The following GDPD5 variants were observed in gnomAD, a reference collection of about 807,000 sequenced individuals.
GDPD5 encodes the protein glycerophosphodiester phosphodiesterase 2.
In GDPD5, 48 loss-of-function variants were observed where a neutral mutation model predicts 75.1. The observed-to-expected ratio is 0.64, with a 90% CI of 0.51 to 0.81. The LOEUF is 0.81. Among genes scored for constraint, GDPD5 ranks in the 40% least tolerant of loss-of-function variants. The pLI, the probability that GDPD5 is intolerant of heterozygous loss-of-function variation, is 0.00. For synonymous variants in GDPD5, 336 were observed against 339.0 expected (o/e 0.99, Z 0.10); for missense variants, 706 against 822.6 (o/e 0.86, Z 1.73).
chr11:75,460,056 C>A (rs1462816811), intron 4 of GDPD5, among the ~76,000 whole-genome samples: 2 of 151,606 alleles, frequency 1.3e-5, no homozygotes, highest in African/African-American at 4.9e-5. Context: ...TGGCAGATCA[C>A]TGAATGCACT....
chr11:75,506,303 C>A (rs1189009081), intron 1 of GDPD5, among the ~76,000 whole-genome samples: 2 of 152,130 alleles, frequency 1.3e-5, no homozygotes, highest in Non-Finnish European at 2.9e-5. Context: ...CCAGCCAGCC[C>A]CAGGGAGGAA....
intron 3 of GDPD5, among the ~76,000 whole-genome samples, chr11:75,464,651 G>A (rs1436691028): frequency 6.6e-6 from 1 of 152,180 alleles, no homozygotes; most frequent in African/African-American, 2.4e-5. Context: ...ATGCAAAGGT[G>A]ACGACACCCT....
intron 1 of GDPD5, among the ~76,000 whole-genome samples, chr11:75,523,197 A>G (rs1411542555): frequency 6.6e-6 from 1 of 152,200 alleles, no homozygotes; most frequent in Admixed American, 6.5e-5. Context: ...CTAATTTTAT[A>G]GGCTCAGAGG....
intron 3 of GDPD5, among the ~76,000 whole-genome samples, chr11:75,466,077 G>A (rs1949509226): frequency 1.3e-5 from 2 of 152,220 alleles, no homozygotes; most frequent in South Asian, 2.1e-4. Context: ...CCCACTCCTG[G>A]GAACCAGCCA....
At chr11:75,448,752 G>T (rs1949051760) in intron 9 of GDPD5, 2 of 1,220,424 alleles carry the variant, frequency 1.6e-6, no homozygotes, top group South Asian at 2.3e-5. Flanking sequence ...CATCTTTGCA[G>T]GGCACTTAGG....
At chr11:75,460,779 G>A (rs1367373254) in intron 4 of GDPD5, among the ~76,000 whole-genome samples, 1 of 151,928 alleles carries the variant, frequency 6.6e-6, no homozygotes, top group Non-Finnish European at 1.5e-5. Context: ...GGACTGGGCC[G>A]GGGCATCCTG....
At chr11:75,494,102 A>C (rs1347863493) in intron 1 of GDPD5, among the ~76,000 whole-genome samples, 1 of 152,150 alleles carries the variant, frequency 6.6e-6, no homozygotes, top group East Asian at 1.9e-4. Flanking sequence ...GATCTTCATT[A>C]ATTGTGATGG....
At chr11:75,456,372 C>A (rs762957992) in intron 6 of GDPD5, among the ~76,000 whole-genome samples, 13 of 152,184 alleles carry the variant, frequency 8.5e-5, no homozygotes, top group Non-Finnish European at 1.6e-4. Context: ...AGGTGAGACC[C>A]GAGGCAGGGC....
intron 3 of GDPD5, among the ~76,000 whole-genome samples, chr11:75,467,197 C>T (rs1347137608): frequency 6.6e-6 from 1 of 152,216 alleles, no homozygotes; most frequent in Non-Finnish European, 1.5e-5. Flanking sequence ...GCTGGCTCTG[C>T]CACTCAGCAC....
At chr11:75,436,321 G>A (rs546565713) in intron 16 of GDPD5, among the ~76,000 whole-genome samples, 4 of 152,172 alleles carry the variant, frequency 2.6e-5, no homozygotes, top group South Asian at 2.1e-4. Context: ...CACACATGCC[G>A]TGCCCACCTG....
chr11:75,486,620 C>T (rs988396240), intron 2 of GDPD5, among the ~76,000 whole-genome samples: 5 of 152,182 alleles, frequency 3.3e-5, no homozygotes, highest in Admixed American at 1.3e-4. Flanking sequence ...TCCCTGCTCC[C>T]AACCCAGCTG....
At position 75,435,755 on chromosome 11, in the gene GDPD5, T is replaced by C. The variant is rs1948609778; in HGVS notation, c.1670-100A>G. 3 of 1,255,042 alleles carry C rather than the reference T, an allele frequency of 2.4e-6. No individual in the cohort carries two copies. The Admixed American group carries it at 6.7e-5, about 28-fold the overall frequency. The allele number at this position is 1,255,042 out of a possible 1,614,324, so 77.7% of individuals were successfully genotyped here. A position where few individuals can be genotyped will look rare whatever the true frequency, so the allele number is the denominator to read the frequency against. Reference sequence around the variant, plus strand: ...AAGGCTGCACCACCCAGCGGGGCACTTGGAGGCTGATGAAACCACTGGGCT... The same window carrying C: ...AAGGCTGCACCACCCAGCGGGGCACCTGGAGGCTGATGAAACCACTGGGCT... On this transcript the variant is annotated intron_variant, in intron 16 of 16. Coordinates refer to ENST00000336898, the MANE Select transcript of GDPD5 (RefSeq NM_030792.8).
intron 1 of GDPD5, among the ~76,000 whole-genome samples, chr11:75,511,132 T>A (rs1311974388): frequency 6.6e-6 from 1 of 152,210 alleles, no homozygotes; most frequent in East Asian, 1.9e-4. Flanking sequence ...TTTTGGTGGA[T>A]GAAAGAATAA....
At chr11:75,476,303 C>T (rs975074659) in intron 3 of GDPD5, among the ~76,000 whole-genome samples, 3 of 152,018 alleles carry the variant, frequency 2.0e-5, no homozygotes, top group Non-Finnish European at 4.4e-5. Flanking sequence ...CTAGTCATAG[C>T]TGGCACTGTG....
At chr11:75,437,134 A>T in intron 15 of GDPD5, 86 bp from the exon 16 acceptor site, 1 of 969,440 alleles carries the variant, frequency 1.0e-6, no homozygotes, top group Non-Finnish European at 1.6e-6. Flanking sequence ...GCCTCTCTGG[A>T]TGTGGCCCAA....
intron 4 of GDPD5, among the ~76,000 whole-genome samples, chr11:75,458,371 G>T (rs1949337388): frequency 1.3e-5 from 2 of 152,178 alleles, no homozygotes; most frequent in African/African-American, 4.8e-5. Context: ...TATAGGATGG[G>T]GATAAGAAAG....
In GDPD5 at chr11:75,457,698, G is replaced by A. The variant is rs774007739; in HGVS notation, c.310C>T (p.Leu104Phe). ...TAAAFAYIAG[L>F]LVLALCHIAV... Reference sequence around the variant, plus strand: ...TCCAAAACAGCCCCATGTACCAGGAGGCCAGCGATGTATGCGAAGGCAGCA... The same window carrying A: ...TCCAAAACAGCCCCATGTACCAGGAAGCCAGCGATGTATGCGAAGGCAGCA... Residue 104 changes from leucine (L) to phenylalanine (F), a missense_variant, in exon 5 of 17, where the codon CTC becomes TTC. By Grantham distance (22) the Leu-to-Phe change is conservative. Transcript: ENST00000336898. The A allele has an allele frequency of 2.5e-6, 4 of 1,613,918 alleles. No individual in the cohort carries two copies. The highest frequency in any genetic ancestry group is 2.7e-5 in the African/African-American group (2 of 74,940).
At chr11:75,482,268 G>A (rs1168779850) in intron 2 of GDPD5, among the ~76,000 whole-genome samples, 1 of 152,172 alleles carries the variant, frequency 6.6e-6, no homozygotes, top group East Asian at 1.9e-4. Flanking sequence ...TCCCCCTGGT[G>A]CATTTTTGTC....
chr11:75,494,959 A>G (rs1224711877), intron 1 of GDPD5, among the ~76,000 whole-genome samples: 2 of 151,058 alleles, frequency 1.3e-5, no homozygotes, highest in Non-Finnish European at 3.0e-5. Flanking sequence ...CTCAACAACA[A>G]CAACAACAAC....
Sources: allele counts gnomAD v4.1 joint callset (sites outside exome capture counted in the v4.1 genomes callset), GRCh38; gene constraint gnomAD v4.1.1; transcripts MANE v1.5; gene names NCBI Gene and HGNC (gene_info 2026-07-23, HGNC 2026-07-21).